The following MMS22L variants were observed in gnomAD, a reference collection of about 807,000 sequenced individuals.
The protein encoded by MMS22L is protein MMS22-like.
Under a neutral mutation model 159.1 loss-of-function variants are expected in MMS22L, and 74 were observed. The ratio of observed to expected loss-of-function variants is 0.47; its 90% confidence interval spans 0.39 to 0.56. The LOEUF is 0.56. Among genes scored for constraint, MMS22L ranks in the 20% least tolerant of loss-of-function variants. The pLI, the probability that MMS22L is intolerant of heterozygous loss-of-function variation, is 0.00. For missense variants in MMS22L, 1,351 were observed against 1,422.1 expected, an observed-to-expected ratio of 0.95 and a Z score of 0.80; for synonymous variants, 517 against 506.9, an observed-to-expected ratio of 1.02 and a Z score of -0.27.
intron 14 of MMS22L, among the ~76,000 whole-genome samples, chr6:97,193,415 T>C (rs1309542093): frequency 1.3e-5 from 2 of 152,206 alleles, no homozygotes; most frequent in African/African-American, 4.8e-5. Context: ...TATGAAAACA[T>C]ACCAGTAAGA....
intron 12 of MMS22L, among the ~76,000 whole-genome samples, chr6:97,231,919 G>C (rs1463475383): frequency 6.6e-6 from 1 of 152,154 alleles, no homozygotes; most frequent in Non-Finnish European, 1.5e-5. Flanking sequence ...ATTGCATTCA[G>C]TGATATGCAT....
intron 11 of MMS22L, among the ~76,000 whole-genome samples, chr6:97,240,341 T>A (rs578094944): frequency 2.0e-4 from 30 of 152,228 alleles, no homozygotes; most frequent in Non-Finnish European, 3.7e-4. Flanking sequence ...GACTTTATGC[T>A]AGACCTAAAT....
chr6:97,189,712 C>CTT (rs1252949618), intron 14 of MMS22L, among the ~76,000 whole-genome samples: 1 of 151,864 alleles, frequency 6.6e-6, no homozygotes, highest in African/African-American at 2.4e-5. Context: ...CCAAACCACA[C>CTT]TTGTGTTGGA....
intron 22 of MMS22L, among the ~76,000 whole-genome samples, chr6:97,156,157 C>A (rs560587400): frequency 1.3e-5 from 2 of 152,070 alleles, no homozygotes; most frequent in Middle Eastern, 3.2e-3. Context: ...TCATATCCTT[C>A]GCCCATTTTT....
chr6:97,247,986 C>T (rs1812849416), intron 10 of MMS22L, among the ~76,000 whole-genome samples: 1 of 152,150 alleles, frequency 6.6e-6, no homozygotes, highest in Non-Finnish European at 1.5e-5. Flanking sequence ...GTATGGTAGT[C>T]AGCCTCTAAG....
chr6:97,192,146 AG>A (rs1165963902), intron 14 of MMS22L, among the ~76,000 whole-genome samples: 1 of 151,070 alleles, frequency 6.6e-6, no homozygotes, highest in East Asian at 2.0e-4. Context: ...TATGTGGAGG[AG>A]GGGGTAAGTA....
chr6:97,237,581 A>C (rs1236956497), intron 11 of MMS22L, among the ~76,000 whole-genome samples: 2 of 152,178 alleles, frequency 1.3e-5, no homozygotes, highest in African/African-American at 4.8e-5. Context: ...GAAAGATAGA[A>C]TAATACCCAC....
At chr6:97,242,547 C>T (rs866530730) in intron 11 of MMS22L, among the ~76,000 whole-genome samples, 20 of 152,138 alleles carry the variant, frequency 1.3e-4, no homozygotes, top group Admixed American at 2.6e-4. Flanking sequence ...CCATTCTGCC[C>T]TTCTATATCT....
At position 97,231,583 on chromosome 6, in the gene MMS22L, T is replaced by C. The variant is rs772297898; in HGVS notation, c.1372A>G (p.Met458Val). The C allele has an allele frequency of 1.5e-5, 25 of 1,613,664 alleles. No individual in the cohort carries two copies. The highest frequency in any genetic ancestry group is 5.0e-5 in the Admixed American group (3 of 59,992). The change falls in exon 13 of 25, where the codon ATG (methionine) becomes GTG (valine). Residue 458 changes from methionine (M) to valine (V), a missense_variant. Coordinates refer to ENST00000683635, the MANE Select transcript of MMS22L (RefSeq NM_001350599.2). ...LANTMKSPLS[M>V]LEMVKTCCCD... Reference sequence around the variant, plus strand: ...CAGCAAGTCTTCACCATTTCAAGCATAGACAAGGGTGACTTCATGGTATTA... The same window carrying C: ...CAGCAAGTCTTCACCATTTCAAGCACAGACAAGGGTGACTTCATGGTATTA...
At chr6:97,209,687 T>A (rs1009344746) in intron 14 of MMS22L, among the ~76,000 whole-genome samples, 1 of 152,016 alleles carries the variant, frequency 6.6e-6, no homozygotes, top group Non-Finnish European at 1.5e-5. Context: ...ATTTCTTGAA[T>A]AACACAGCTA....
intron 13 of MMS22L, chr6:97,230,302 A>C (rs1582711146): frequency 7.4e-6 from 1 of 136,050 alleles, no homozygotes; most frequent in African/African-American, 2.8e-5. Context: ...ACAGAATTTC[A>C]CCATGTTGTC....
At position 97,281,287 on chromosome 6, in the gene MMS22L, A is replaced by C; in HGVS notation, c.240T>G (p.Val80=). 3 of 1,610,456 alleles carry C rather than the reference A, an allele frequency of 1.9e-6. No homozygotes were observed. The highest frequency in any genetic ancestry group is 2.5e-6 in the Non-Finnish European group (3 of 1,178,140). Residue 80 remains valine (V), a synonymous_variant, in exon 3 of 25, where the codon GTT becomes GTG. Coordinates refer to ENST00000683635, the MANE Select transcript of MMS22L (RefSeq NM_001350599.2). ...ATGAATTCACTAATGCTGTTTCAGT[A>C]ACCCACTGAATGCCAAATATTTCCA... is the stretch of plus-strand genomic sequence containing the variant. ...DTLEIFGIQW[V]TETALVNSSR...
At chr6:97,244,974 G>A (rs1342494747) in intron 11 of MMS22L, among the ~76,000 whole-genome samples, 2 of 151,984 alleles carry the variant, frequency 1.3e-5, no homozygotes, top group Middle Eastern at 3.2e-3. Flanking sequence ...CCAGAGAAGT[G>A]GGGGAAAGCT....
intron 9 of MMS22L, among the ~76,000 whole-genome samples, 153 bp from the exon 10 acceptor site, chr6:97,254,886 A>G (rs1409808658): frequency 6.6e-6 from 1 of 152,190 alleles, no homozygotes; most frequent in Non-Finnish European, 1.5e-5. Flanking sequence ...TAAGAATCAG[A>G]ACATAAATAG....
chr6:97,249,725 ATTTTTTT>A (rs66525517), intron 10 of MMS22L, among the ~76,000 whole-genome samples: 6 of 130,404 alleles, frequency 4.6e-5, no homozygotes, highest in African/African-American at 1.2e-4. Context: ...CCAATAACCA[ATTTTTTT>A]TTTTTTTTTT....
intron 14 of MMS22L, among the ~76,000 whole-genome samples, chr6:97,222,302 G>GA (rs1024534338): frequency 6.6e-6 from 1 of 150,988 alleles, no homozygotes; most frequent in African/African-American, 2.4e-5. Flanking sequence ...TATAGGGAGA[G>GA]AAAAAAAGGA....
intron 11 of MMS22L, among the ~76,000 whole-genome samples, chr6:97,237,854 T>C (rs1022405462): frequency 6.6e-6 from 1 of 152,212 alleles, no homozygotes; most frequent in African/African-American, 2.4e-5. Flanking sequence ...CATTACTGAA[T>C]TGAAATAAAG....
At chr6:97,244,819 G>T (rs1412912849) in intron 11 of MMS22L, among the ~76,000 whole-genome samples, 1 of 152,158 alleles carries the variant, frequency 6.6e-6, no homozygotes, top group Non-Finnish European at 1.5e-5. Flanking sequence ...ATGGGGGAAT[G>T]GTTAGGCATG....
intron 15 of MMS22L, among the ~76,000 whole-genome samples, chr6:97,183,561 T>A (rs1223383072): frequency 6.6e-6 from 1 of 152,170 alleles, no homozygotes; most frequent in Admixed American, 6.6e-5. Context: ...CAATTGCATA[T>A]CTTCTCTTCA....
Sources: allele counts gnomAD v4.1 joint callset (sites outside exome capture counted in the v4.1 genomes callset), GRCh38; gene constraint gnomAD v4.1.1; transcripts MANE v1.5; gene names NCBI Gene and HGNC (gene_info 2026-07-23, HGNC 2026-07-21).